The following MAML3 variants were observed in gnomAD, a reference collection of about 807,000 sequenced individuals.
MAML3 encodes mastermind-like protein 3.
Under a neutral mutation model 101.9 loss-of-function variants are expected in MAML3, and 27 were observed. The ratio of observed to expected loss-of-function variants is 0.27; its 90% CI spans 0.20 to 0.37. The LOEUF is 0.37. Ranked by LOEUF, MAML3 falls within the 10% of genes least tolerant of loss-of-function variation. The probability of loss-of-function intolerance (pLI) is 1.00; values close to 1 mark genes in which losing one functional copy is unlikely to be tolerated. For missense variants in MAML3, 1,316 were observed against 1,444.9 expected (o/e 0.91, Z 1.45); for synonymous variants, 501 against 555.9 (o/e 0.90, Z 1.39).
intron 1 of MAML3, among the ~76,000 whole-genome samples, chr4:139,968,264 C>T (rs996219394): frequency 4.8e-5 from 7 of 146,510 alleles, no homozygotes; most frequent in Non-Finnish European, 7.4e-5. Context: ...GAGCCAAGAT[C>T]GTGCCACTAC....
At chr4:140,050,880 A>G (rs1418508663) in intron 1 of MAML3, among the ~76,000 whole-genome samples, 1 of 152,212 alleles carries the variant, frequency 6.6e-6, no homozygotes, top group African/African-American at 2.4e-5. Context: ...TGGAAAAAAA[A>G]TGAAAGTTTT....
At chr4:140,123,550 T>C (rs1464841226) in intron 1 of MAML3, among the ~76,000 whole-genome samples, 1 of 152,214 alleles carries the variant, frequency 6.6e-6, no homozygotes, top group East Asian at 1.9e-4. Flanking sequence ...TTAGGTCTTC[T>C]GTTTTCTGGT....
At chr4:140,037,848 G>C (rs1389952614) in intron 1 of MAML3, among the ~76,000 whole-genome samples, 1 of 152,038 alleles carries the variant, frequency 6.6e-6, no homozygotes, top group Non-Finnish European at 1.5e-5. Context: ...AATCTATAAG[G>C]GCCCTTTGTC....
chr4:139,779,650 T>C (rs947186491), intron 2 of MAML3, among the ~76,000 whole-genome samples: 4 of 152,296 alleles, frequency 2.6e-5, no homozygotes, highest in Non-Finnish European at 5.9e-5. Context: ...GACCATAGGA[T>C]AGGAGGACAG....
intron 1 of MAML3, among the ~76,000 whole-genome samples, chr4:140,050,311 G>T (rs1323606926): frequency 6.6e-6 from 1 of 152,092 alleles, no homozygotes; most frequent in Non-Finnish European, 1.5e-5. Context: ...ATATAAATGG[G>T]AAAGCATCCT....
chr4:139,870,922 G>A (rs1272378837), intron 2 of MAML3, among the ~76,000 whole-genome samples: 1 of 152,162 alleles, frequency 6.6e-6, no homozygotes, highest in Non-Finnish European at 1.5e-5. Context: ...AGAAAGAAAG[G>A]AAAAGAAGTA....
At chr4:139,936,816 T>C (rs1346948169) in intron 1 of MAML3, among the ~76,000 whole-genome samples, 1 of 152,178 alleles carries the variant, frequency 6.6e-6, no homozygotes, top group Non-Finnish European at 1.5e-5. Flanking sequence ...TAAATAGCGT[T>C]TAAAAAGTGA....
intron 1 of MAML3, among the ~76,000 whole-genome samples, chr4:140,106,310 C>G (rs1433757636): frequency 2.0e-5 from 3 of 152,118 alleles, no homozygotes; most frequent in African/African-American, 7.2e-5. Context: ...ATACTCTTTT[C>G]CTTCTAATTG....
At chr4:139,955,774 G>A (rs1342498004) in intron 1 of MAML3, among the ~76,000 whole-genome samples, 2 of 152,138 alleles carry the variant, frequency 1.3e-5, no homozygotes, top group African/African-American at 4.8e-5. Flanking sequence ...TGGGAGTCAT[G>A]TTACTAGTCT....
chr4:140,149,880 G>A (rs1193004446), intron 1 of MAML3, among the ~76,000 whole-genome samples: 2 of 150,620 alleles, frequency 1.3e-5, no homozygotes, highest in South Asian at 4.2e-4. Context: ...CAGAAGCCAA[G>A]GTTAACTTTT....
chr4:139,914,224 G>T (rs1031774436), intron 1 of MAML3, among the ~76,000 whole-genome samples: 1 of 152,128 alleles, frequency 6.6e-6, no homozygotes, highest in Non-Finnish European at 1.5e-5. Context: ...ATCACCCCAC[G>T]TTGCTATGTG....
At chr4:140,006,065 T>A (rs1221263267) in intron 1 of MAML3, among the ~76,000 whole-genome samples, 1 of 152,200 alleles carries the variant, frequency 6.6e-6, no homozygotes, top group Non-Finnish European at 1.5e-5. Context: ...TCATCTTTTG[T>A]TTGGAGGCTG....
At chr4:139,906,594 C>T (rs61419683) in intron 1 of MAML3, among the ~76,000 whole-genome samples, 3 of 152,112 alleles carry the variant, frequency 2.0e-5, no homozygotes, top group African/African-American at 7.2e-5. Flanking sequence ...GTGCCTCATG[C>T]GATAAATCAC....
chr4:139,777,625 C>T (rs1311447056), intron 2 of MAML3, among the ~76,000 whole-genome samples: 1 of 152,348 alleles, frequency 6.6e-6, no homozygotes, highest in African/African-American at 2.4e-5. Context: ...TCCCTGGGTT[C>T]AAGCAATCCT....
intron 1 of MAML3, among the ~76,000 whole-genome samples, chr4:139,980,735 T>C (rs1420546094): frequency 6.6e-6 from 1 of 152,196 alleles, no homozygotes; most frequent in Non-Finnish European, 1.5e-5. Flanking sequence ...GCAGTGAGCA[T>C]GACAGCCAAG....
At chr4:140,080,248 G>A (rs772797110) in intron 1 of MAML3, among the ~76,000 whole-genome samples, 6 of 152,254 alleles carry the variant, frequency 3.9e-5, no homozygotes, top group Non-Finnish European at 7.3e-5. Context: ...AGAAATGCCT[G>A]CAGAAAAGGC....
intron 1 of MAML3, among the ~76,000 whole-genome samples, chr4:139,906,504 A>T (rs1732823669): frequency 6.6e-6 from 1 of 152,222 alleles, no homozygotes; most frequent in Admixed American, 6.5e-5. Flanking sequence ...CAGTGGGAAA[A>T]TCGAGGCATA....
chr4:139,791,502 C>CAAT (rs1730413131), intron 2 of MAML3, among the ~76,000 whole-genome samples: 1 of 95,128 alleles, frequency 1.1e-5, no homozygotes, highest in Admixed American at 1.2e-4. Context: ...GACTCCATCT[C>CAAT]AAAAAAAAAA....
At chr4:139,875,910 A>G (rs1732106210) in intron 2 of MAML3, among the ~76,000 whole-genome samples, 1 of 112,012 alleles carries the variant, frequency 8.9e-6, no homozygotes, top group African/African-American at 3.8e-5. Flanking sequence ...AGAGACTCAC[A>G]AACAGCAAAA....
Sources: gnomAD v4.1 joint callset for allele counts (sites outside exome capture counted in the v4.1 genomes callset) on GRCh38, gnomAD v4.1.1 for gene constraint, MANE v1.5 for transcripts, NCBI Gene and HGNC (gene_info 2026-07-23, HGNC 2026-07-21) for gene names.